Variants in C6 observed in about 807,000 individuals in gnomAD.
C6 encodes the protein complement component C6.
In C6, 101 loss-of-function variants were observed where a neutral mutation model predicts 112.9. That is an observed-to-expected ratio of 0.89 (90% CI 0.76 to 1.06). The LOEUF (loss-of-function observed/expected upper bound fraction) is 1.06, where lower values mean the gene tolerates loss of function less well. Among genes scored for constraint, C6 ranks in the 50% least tolerant of loss-of-function variants. The pLI is 0.00. For synonymous variants in C6, 431 were observed against 384.1 expected (o/e 1.12, Z -1.43); for missense variants, 1,202 against 1,104.6 (o/e 1.09, Z -1.25).
rs372276457 is a variant in C6, at chr5:41,172,241, C to A, written c.1275G>T (p.Leu425=). ...TACTGTTACCTTCATGTTTCTCTGA[C>A]AGCTTGTTGGTGGTGCACCTATGTT... The part of the protein sequence containing the change: ...KVEHRCTTNK[L]SEKHEGSFIQ... The change falls in exon 9 of 18, where the codon CTG becomes CTT. Residue 425 remains leucine, a synonymous_variant. Coordinates refer to ENST00000337836, the MANE Select transcript of C6 (RefSeq NM_000065.5). 2 of 1,613,778 alleles carry A rather than the reference C, an allele frequency of 1.2e-6. No individual in the cohort carries two copies. Among genetic ancestry groups the A allele is most frequent in the African/African-American group, 1.3e-5 (1 of 75,016 alleles).
At chr5:41,162,622 A>G (rs1747626919) in intron 9 of C6, among the ~76,000 whole-genome samples, 1 of 152,204 alleles carries the variant, frequency 6.6e-6, no homozygotes, top group Admixed American at 6.5e-5. Context: ...GCCATAAGAA[A>G]TAGTAGCAAA....
chr5:41,161,984 G>T, intron 9 of C6, 125 bp from the exon 10 acceptor site: 1 of 884,724 alleles, frequency 1.1e-6, no homozygotes, highest in Non-Finnish European at 1.8e-6. Context: ...GCTCCATTAA[G>T]AAAGCTAAGT....
chr5:41,160,183 T>C lies in C6; in HGVS notation c.1643A>G (p.Tyr548Cys). ...AGACTGTTTCTCACAGTTCTCACCA[T>C]AGGTGCCACTCTGACACACACACAG... ...ECLCVCQSGT[Y>C]GENCEKQSPD... Residue 548 changes from tyrosine (Y) to cysteine (C), a missense_variant, in exon 11 of 18, where the codon TAT (tyrosine) becomes TGT (cysteine). Physicochemically the swap from Tyr to Cys is radical, Grantham distance 194. Transcript: ENST00000337836. 1 of 1,613,896 alleles carries C rather than the reference T, an allele frequency of 6.2e-7. No individual in the cohort carries two copies. Among genetic ancestry groups the C allele is most frequent in the Non-Finnish European group, 8.5e-7 (1 of 1,179,816 alleles).
chr5:41,201,570 A>G lies in C6; in HGVS notation c.288T>C (p.Cys96=). 1.2e-6 allele frequency: 2 copies of G among 1,613,678 alleles called. No homozygotes were observed. Among genetic ancestry groups the G allele is most frequent in the Non-Finnish European group, 1.7e-6 (2 of 1,179,844 alleles). ...CATGGTTGCCTACCTGTTTTTCAAT[A>G]CAAGGGTCACAGTCTGACCATGGTC... ...DFGPWSDCDP[C]IEKQSKVRSV... Residue 96 remains cysteine (C), a synonymous_variant, in exon 3 of 18, where the codon TGT becomes TGC. Coordinates refer to ENST00000337836, the MANE Select transcript of C6 (RefSeq NM_000065.5).
chr5:41,189,009 A>G (rs1365833487), intron 5 of C6, among the ~76,000 whole-genome samples: 1 of 152,076 alleles, frequency 6.6e-6, no homozygotes, highest in Non-Finnish European at 1.5e-5. Flanking sequence ...GAAAATGACT[A>G]ATAAGCATGT....
chr5:41,196,275 G>T (rs1320167485), intron 4 of C6, among the ~76,000 whole-genome samples: 1 of 151,930 alleles, frequency 6.6e-6, no homozygotes, highest in South Asian at 2.1e-4. Context: ...TCTAGGATGG[G>T]AGACTCAAGG....
At chr5:41,207,124 C>T (rs1751499689) in intron 1 of C6, among the ~76,000 whole-genome samples, 1 of 152,134 alleles carries the variant, frequency 6.6e-6, no homozygotes, top group Non-Finnish European at 1.5e-5. Context: ...TCCAGCCAAA[C>T]TAAGCTTCAT....
intron 1 of C6, among the ~76,000 whole-genome samples, chr5:41,212,508 T>C (rs1752011947): frequency 6.6e-6 from 1 of 152,216 alleles, no homozygotes; most frequent in Non-Finnish European, 1.5e-5. Flanking sequence ...TTTTTTGTTA[T>C]GATGGCCTAG....
intron 1 of C6, among the ~76,000 whole-genome samples, chr5:41,239,162 A>G (rs1245313413): frequency 8.1e-6 from 1 of 123,808 alleles, no homozygotes; most frequent in East Asian, 2.3e-4. Flanking sequence ...CCCAGGCTGG[A>G]GTGCAAATGG....
At chr5:41,166,817 T>C (rs951635951) in intron 9 of C6, among the ~76,000 whole-genome samples, 1 of 151,502 alleles carries the variant, frequency 6.6e-6, no homozygotes, top group Non-Finnish European at 1.5e-5. Flanking sequence ...TTGAAATTTT[T>C]CAATTTTGAA....
intron 1 of C6, among the ~76,000 whole-genome samples, chr5:41,220,035 CA>C (rs113866727): frequency 0.01 from 1,537 of 152,210 alleles, 33 homozygotes; most frequent in African/African-American, 0.035. Flanking sequence ...TTAAAATAAT[CA>C]AACTCTGATG....
chr5:41,201,247 A>T (rs962513592), intron 3 of C6, among the ~76,000 whole-genome samples: 4 of 152,140 alleles, frequency 2.6e-5, no homozygotes, highest in African/African-American at 7.2e-5. Context: ...GATAAGGATT[A>T]CTCAATCTGT....
At chr5:41,167,385 C>A (rs1748073515) in intron 9 of C6, among the ~76,000 whole-genome samples, 1 of 152,084 alleles carries the variant, frequency 6.6e-6, no homozygotes, top group Admixed American at 6.6e-5. Context: ...ATGTATACAA[C>A]AGCCATTTTC....
upstream of C6, among the ~76,000 whole-genome samples, chr5:41,218,182 AAG>A (rs1171967804): frequency 1.4e-4 from 22 of 152,318 alleles, no homozygotes; most frequent in East Asian, 4.0e-3. Context: ...AGGAAAGAAA[AAG>A]AACGTCAAGA....
chr5:41,252,721 G>A (rs1303042455), intron 1 of C6, among the ~76,000 whole-genome samples: 1 of 152,132 alleles, frequency 6.6e-6, no homozygotes, highest in African/African-American at 2.4e-5. Context: ...TCTGATAAGA[G>A]ACATTTACCA....
At chr5:41,173,807 T>G (rs886832158) in intron 8 of C6, among the ~76,000 whole-genome samples, 1 of 152,252 alleles carries the variant, frequency 6.6e-6, no homozygotes, top group Admixed American at 6.6e-5. Context: ...AGATGCATTG[T>G]TATTTGGGAG....
rs541865390 is a variant in C6 at position 41,159,201 on chromosome 5, A to G, written c.1737T>C (p.Ala579=). Residue 579 remains alanine (A), a synonymous_variant, in exon 12 of 18, where the codon GCT becomes GCC. Transcript: ENST00000337836. ...GCWSSWSTCD[A]TYKRSRTREC... ...CTCGGGTTCTCGATCTCTTATAAGT[A>G]GCATCACAGGTACTCCAGGAAGACC... The G allele has an allele frequency of 4.3e-6, 7 of 1,613,476 alleles. No individual in the cohort carries two copies. In the South Asian group the frequency reaches 5.5e-5, roughly 13 times the overall value.
intron 17 of C6, among the ~76,000 whole-genome samples, chr5:41,148,246 C>T (rs566261322): frequency 3.3e-5 from 5 of 152,034 alleles, no homozygotes; most frequent in Non-Finnish European, 5.9e-5. Context: ...ATAGAATACC[C>T]GTATAGACTT....
At position 41,148,438 on chromosome 5, in the gene C6, A is replaced by T. The variant is rs925531987; in HGVS notation, c.2623+803T>A. 5.9e-5 allele frequency among the ~76,000 whole-genome samples: 9 copies of T among 152,252 alleles called. No homozygotes were observed. In the East Asian group the frequency reaches 1.2e-3, roughly 20 times the overall value. On this transcript the variant is annotated intron_variant, in intron 17 of 17. Coordinates refer to ENST00000337836, the MANE Select transcript of C6 (RefSeq NM_000065.5). ...TGAAATGTTCAAGACCCAGGGGCCA[A>T]TTTTTTTATGGGGTGCTTATCTATA... is the stretch of plus-strand genomic sequence containing the variant.
Sources: allele counts gnomAD v4.1 joint callset (sites outside exome capture counted in the v4.1 genomes callset), GRCh38; gene constraint gnomAD v4.1.1; transcripts MANE v1.5; gene names NCBI Gene and HGNC (gene_info 2026-07-23, HGNC 2026-07-21).